Variants in AHCTF1 observed in about 807,000 individuals in gnomAD.
AHCTF1 encodes the protein AT-hook containing transcription factor 1.
A neutral mutation model predicts 248.4 loss-of-function variants in AHCTF1; 24 were observed. That is an observed-to-expected ratio of 0.10 (90% CI 0.07 to 0.14). AHCTF1 has a LOEUF of 0.14. Ranked by LOEUF, AHCTF1 falls within the 10% of genes least tolerant of loss-of-function variation. AHCTF1 has a pLI of 1.00. For missense variants in AHCTF1, 2,206 were observed against 2,636.2 expected, an observed-to-expected ratio of 0.84 and a Z score of 3.57; for synonymous variants, 786 against 929.8, an observed-to-expected ratio of 0.85 and a Z score of 2.81.
chr1:246,846,757 G>A (rs976812252), intron 33 of AHCTF1, among the ~76,000 whole-genome samples: 2 of 151,614 alleles, frequency 1.3e-5, no homozygotes, highest in African/African-American at 4.8e-5. Flanking sequence ...TTTTTTGGGG[G>A]GATGGGGGTG....
At chr1:246,931,378 G>A (rs888741680) in intron 1 of AHCTF1, 200 bp downstream of exon 1, 60 of 1,510,266 alleles carry the variant, frequency 4.0e-5, no homozygotes, top group Middle Eastern at 2.3e-4. Flanking sequence ...CGGCGCCCGC[G>A]AGCCTGCCGT....
At chr1:246,849,156 C>T (rs989485007) in intron 33 of AHCTF1, among the ~76,000 whole-genome samples, 6 of 152,256 alleles carry the variant, frequency 3.9e-5, no homozygotes, top group Middle Eastern at 3.4e-3. Flanking sequence ...CATGTAGATG[C>T]GCCAGTTTGT....
chr1:246,886,745 T>G (rs1338270669), intron 20 of AHCTF1, among the ~76,000 whole-genome samples: 1 of 152,212 alleles, frequency 6.6e-6, no homozygotes, highest in Non-Finnish European at 1.5e-5. Flanking sequence ...CTGTAAATTT[T>G]GGTATGTTTC....
chr1:246,903,659 C>CCG lies in AHCTF1; in HGVS notation c.966+289_966+290insCG, dbSNP rs1237218875. On this transcript the variant is annotated intron_variant, in intron 7 of 35. Transcript: ENST00000648844. ...CCTGGCCAAGATGGTGAGACCCCCC[C>CCG]CCCTCCGTCTCTGCTAAATATACAA... 1.7e-5 allele frequency among the ~76,000 whole-genome samples: 2 copies of CCG among 116,680 alleles called. 1 individual carries two copies. The highest frequency in any genetic ancestry group is 6.9e-5 in the African/African-American group (2 of 29,004). The allele number at this position is 116,680 out of a possible 152,430, so 76.5% of individuals were successfully genotyped here. A position where few individuals can be genotyped will look rare whatever the true frequency, so the allele number is the denominator to read the frequency against.
rs772905226 is a variant in AHCTF1 at position 246,867,338 on chromosome 1, C to G, written c.3253G>C (p.Glu1085Gln). ...AGCGAATACACTATAGGAGATGGTTCTTCTATTTTAGAACTATGAAAATAA... is the reference window on the plus strand; with the variant it reads ...AGCGAATACACTATAGGAGATGGTTGTTCTATTTTAGAACTATGAAAATAA... ...TTPFNSSKIE[E>Q]PSPIVYSLPA... is the part of the protein sequence containing the mutation. The change falls in exon 26 of 36, where the codon GAA becomes CAA. Residue 1085 changes from glutamate to glutamine, a missense_variant. By Grantham distance (29) the Glu-to-Gln change is conservative. This residue lies in a region of AHCTF1 where 955 missense variants were observed against 1,055.6 expected (regional missense o/e 0.90). Coordinates refer to ENST00000648844, the MANE Select transcript of AHCTF1 (RefSeq NM_001323342.2). 6.3e-7 allele frequency: 1 copy of G among 1,584,692 alleles called. No individual in the cohort carries two copies. The highest frequency in any genetic ancestry group is 8.6e-7 in the Non-Finnish European group (1 of 1,167,016).
intron 24 of AHCTF1, among the ~76,000 whole-genome samples, chr1:246,870,278 C>CA (rs149713465): frequency 1.3e-5 from 2 of 152,216 alleles, no homozygotes; most frequent in East Asian, 3.9e-4. Flanking sequence ...GCCCTCTCTA[C>CA]AAAAAATACC....
intron 4 of AHCTF1, 57 bp from the exon 5 acceptor site, chr1:246,907,815 AAT>A (rs1383577694): frequency 7.0e-7 from 1 of 1,422,280 alleles, no homozygotes; most frequent in Non-Finnish European, 9.7e-7. Context: ...ATTAAAAGCA[AAT>A]ATGTCATCCA....
At chr1:246,885,818 G>T in intron 20 of AHCTF1, 138 bp from the exon 21 acceptor site, 4 of 784,558 alleles carry the variant, frequency 5.1e-6, no homozygotes, top group Non-Finnish European at 8.0e-6. Context: ...ACTTTAATCT[G>T]TGCTATATAG....
At chr1:246,875,948 T>G in intron 24 of AHCTF1, 89 bp downstream of exon 24, 1 of 1,273,378 alleles carries the variant, frequency 7.9e-7, no homozygotes, top group East Asian at 2.5e-5. Flanking sequence ...TTAGCGAAAG[T>G]AGCTAAATTT....
chr1:246,899,329 C>G (rs1322905402), intron 11 of AHCTF1, 122 bp downstream of exon 11: 2 of 723,112 alleles, frequency 2.8e-6, no homozygotes, highest in African/African-American at 3.7e-5. Flanking sequence ...ATAAACCTAG[C>G]AGAAGCTACC....
chr1:246,898,515 CTAGT>C lies in AHCTF1; in HGVS notation c.1495-183_1495-180del, dbSNP rs753237268. Among the ~76,000 whole-genome samples, 32 of 152,146 alleles carry C rather than the reference CTAGT, an allele frequency of 2.1e-4. 1 individual carries two copies. Among genetic ancestry groups the C allele is most frequent in the Admixed American group, 1.3e-3 (20 of 15,290 alleles). On this transcript the variant is annotated intron_variant, in intron 11 of 35. Coordinates refer to ENST00000648844, the MANE Select transcript of AHCTF1 (RefSeq NM_001323342.2). ...GGTTCTTAAGCTTAACCAATGCTTG[CTAGT>C]TGTGAATACTACTATTAGCAAAAGG...
Position 246,907,573 on chromosome 1 carries a change from T to C in AHCTF1, c.742A>G (p.Asn248Asp). 6.2e-7 allele frequency: 1 copy of C among 1,613,520 alleles called. No individual in the cohort carries two copies. Among genetic ancestry groups the C allele is most frequent in the Non-Finnish European group, 8.5e-7 (1 of 1,179,708 alleles). ...GFSDGYLALW[N>D]MKSMKREYYI... ...TACTCTCTTTTCATGCTTTTCATGT[T>C]CCAAAGTGCTAGATAGCCATCAGAA... The change falls in exon 5 of 36, where the codon AAC (asparagine) becomes GAC (aspartate). Residue 248 changes from asparagine to aspartate, a missense_variant. Physicochemically the swap from Asn to Asp is conservative, Grantham distance 23. Transcript: ENST00000648844.
chr1:246,857,741 G>A lies in AHCTF1; in HGVS notation c.4206C>T (p.Ser1402=). 1.2e-6 allele frequency: 2 copies of A among 1,613,870 alleles called. No homozygotes were observed. The highest frequency in any genetic ancestry group is 1.7e-4 in the Middle Eastern group (1 of 5,946). Residue 1402 remains serine, a synonymous_variant, in exon 30 of 36, where the codon AGC becomes AGT. Transcript: ENST00000648844. ...GAGAAGCTTCAGTTCCTTGAACCGG[G>A]CTTAAGTGATTCAATTCTGAAAATG... is the stretch of plus-strand genomic sequence containing the variant. ...AEAFSELNHL[S]PVQGTEASLC... is the part of the protein sequence containing the mutation.
intron 35 of AHCTF1, 71 bp downstream of exon 35, chr1:246,842,623 A>T: frequency 8.8e-7 from 1 of 1,139,198 alleles, no homozygotes; most frequent in Non-Finnish European, 1.2e-6. Context: ...TAAAAGGAGG[A>T]TAGTAGGGTG....
chr1:246,900,400 G>C lies in AHCTF1; in HGVS notation c.1187C>G (p.Ser396Cys), dbSNP rs564364697. The change falls in exon 9 of 36, where the codon TCT becomes TGT. Residue 396 changes from serine to cysteine, a missense_variant. Physicochemically the swap from Ser to Cys is moderately radical, Grantham distance 112 (BLOSUM62 -1). Around this residue, in one of 6 missense-constraint regions of AHCTF1, gnomAD observed 650 missense variants for 870.8 expected, o/e 0.75. Coordinates refer to ENST00000648844, the MANE Select transcript of AHCTF1 (RefSeq NM_001323342.2). Reference protein sequence around the residue: ...QVNIYGQGKPSVYLGLFDINR... With the variant: ...QVNIYGQGKPCVYLGLFDINR... ...TATATCAAAAAGCCCCAAATATACAGAAGGCTTTCCCTGTCCATATATATT... is the reference window on the plus strand; with the variant it reads ...TATATCAAAAAGCCCCAAATATACACAAGGCTTTCCCTGTCCATATATATT... 1.9e-6 allele frequency: 3 copies of C among 1,600,502 alleles called. No individual in the cohort carries two copies. Among genetic ancestry groups the C allele is most frequent in the Non-Finnish European group, 2.5e-6 (3 of 1,177,218 alleles).
intron 33 of AHCTF1, among the ~76,000 whole-genome samples, chr1:246,844,941 A>ACCTG (rs1660142190): frequency 6.6e-6 from 1 of 152,172 alleles, no homozygotes; most frequent in Admixed American, 6.5e-5. Context: ...ACCAGAATCA[A>ACCTG]GTAACTTAAA....
chr1:246,894,567 C>T, intron 14 of AHCTF1, 92 bp downstream of exon 14: 1 of 1,074,940 alleles, frequency 9.3e-7, no homozygotes, highest in Non-Finnish European at 1.4e-6. Flanking sequence ...TTTACAACTT[C>T]AAAATGATTA....
chr1:246,846,352 T>C (rs1411198512), intron 33 of AHCTF1, among the ~76,000 whole-genome samples: 1 of 151,752 alleles, frequency 6.6e-6, no homozygotes, highest in East Asian at 1.9e-4. Flanking sequence ...ATGGTAACAG[T>C]ATAAAGGGCA....
intron 12 of AHCTF1, among the ~76,000 whole-genome samples, chr1:246,897,117 C>A (rs1480173385): frequency 6.6e-6 from 1 of 152,054 alleles, no homozygotes; most frequent in Non-Finnish European, 1.5e-5. Context: ...AGTTTGAGAC[C>A]AGCCTGGCCA....
Sources: gnomAD v4.1 joint callset for allele counts (sites outside exome capture counted in the v4.1 genomes callset) on GRCh38, gnomAD v4.1.1 for gene constraint, gnomAD v4.1.1 regional missense constraint, MANE v1.5 for transcripts, NCBI Gene and HGNC (gene_info 2026-07-23, HGNC 2026-07-21) for gene names.